DPP10: variants seen among roughly 807,000 people sequenced by gnomAD.
DPP10 encodes dipeptidyl peptidase like 10.
Under a neutral mutation model 120.9 loss-of-function variants are expected in DPP10, and 33 were observed. That is an observed-to-expected ratio of 0.27 (90% CI 0.21 to 0.37). The LOEUF is 0.37. DPP10 is among the 10% of genes least tolerant of loss of function. DPP10 has a pLI of 1.00. For missense variants in DPP10, 816 were observed against 942.8 expected, an observed-to-expected ratio of 0.87 and a Z score of 1.76; for synonymous variants, 337 against 326.1, an observed-to-expected ratio of 1.03 and a Z score of -0.36.
rs554004281 is a variant in DPP10, at chr2:115,523,978, T to A, written c.367-1920T>A. 2.0e-5 allele frequency among the ~76,000 whole-genome samples: 3 copies of A among 152,292 alleles called. No individual in the cohort carries two copies. In the East Asian group the frequency reaches 5.8e-4, roughly 29 times the overall value. On this transcript the variant is annotated intron_variant, in intron 4 of 25. Coordinates refer to ENST00000410059, the MANE Select transcript of DPP10 (RefSeq NM_020868.6). ...ATCTTCTTCTAAAATGCCTTATATG[T>A]AGATTGTACAAGATAGGTGTAAACC...
At chr2:114,670,448 C>A (rs1175107464) in intron 1 of DPP10, among the ~76,000 whole-genome samples, 1 of 151,536 alleles carries the variant, frequency 6.6e-6, no homozygotes, top group East Asian at 1.9e-4. Context: ...CCAAACACCG[C>A]ATGTTCTCAC....
At position 115,815,535 on chromosome 2, in the gene DPP10, C is replaced by G. The variant is rs2150038757; in HGVS notation, c.1896-140C>G. Reference sequence around the variant, plus strand: ...GTAGCAAGATTTTGGAGTATATGACCCTAATACATGAACAGAGCTACAGTT... The same window carrying G: ...GTAGCAAGATTTTGGAGTATATGACGCTAATACATGAACAGAGCTACAGTT... On this transcript the variant is annotated intron_variant, in intron 20 of 25. Transcript: ENST00000410059. 4 of 678,104 alleles carry G rather than the reference C, an allele frequency of 5.9e-6. No homozygotes were observed. In the South Asian group the frequency reaches 1.1e-4, roughly 19 times the overall value. 42.0% of individuals were successfully genotyped at this position (678,104 alleles called of 1,614,324 possible).
intron 1 of DPP10, among the ~76,000 whole-genome samples, chr2:115,082,876 T>G (rs1277938984): frequency 1.3e-5 from 2 of 152,228 alleles, no homozygotes; most frequent in African/African-American, 4.8e-5. Flanking sequence ...AGCTACTAAA[T>G]GTAGAAGAGG....
At chr2:115,151,048 C>G (rs1361371714) in intron 1 of DPP10, among the ~76,000 whole-genome samples, 2 of 152,098 alleles carry the variant, frequency 1.3e-5, no homozygotes, top group East Asian at 1.9e-4. Context: ...AAAACTCCCA[C>G]GAGGACAATA....
chr2:114,490,746 C>A (rs1681921806), intron 1 of DPP10, among the ~76,000 whole-genome samples: 1 of 149,382 alleles, frequency 6.7e-6, no homozygotes. Context: ...GGCAAGGTAC[C>A]TAAAAACTCT....
At chr2:115,254,829 C>T (rs944946069) in intron 1 of DPP10, among the ~76,000 whole-genome samples, 20 of 152,196 alleles carry the variant, frequency 1.3e-4, no homozygotes, top group African/African-American at 4.1e-4. Flanking sequence ...CACCCTGATG[C>T]AAGAGGTGGG....
At chr2:115,178,391 C>A (rs1430346798) in intron 1 of DPP10, among the ~76,000 whole-genome samples, 1 of 152,142 alleles carries the variant, frequency 6.6e-6, no homozygotes. Flanking sequence ...CTTCTCTGAA[C>A]CACAGTTTCC....
intron 1 of DPP10, among the ~76,000 whole-genome samples, chr2:114,850,624 T>C (rs1050268341): frequency 3.3e-5 from 5 of 151,896 alleles, no homozygotes; most frequent in Non-Finnish European, 7.4e-5. Flanking sequence ...AAGTTGGGGG[T>C]TGGTATGAAC....
intron 5 of DPP10, among the ~76,000 whole-genome samples, chr2:115,680,269 A>G (rs1358826886): frequency 1.3e-5 from 2 of 151,978 alleles, no homozygotes; most frequent in African/African-American, 4.8e-5. Flanking sequence ...ATTTAATAAG[A>G]ATAAGATGTT....
chr2:114,804,434 G>T (rs957654447), intron 1 of DPP10, among the ~76,000 whole-genome samples: 1 of 152,146 alleles, frequency 6.6e-6, no homozygotes, highest in African/African-American at 2.4e-5. Context: ...CCAACAGCTT[G>T]CACTGTGCAC....
Position 114,757,495 on chromosome 2 carries a change from T to TAAAG in DPP10, c.60+314657_60+314658insAAAG, listed in dbSNP as rs1400926467. On this transcript the variant is annotated intron_variant, in intron 1 of 25. Transcript: ENST00000410059. ...TAGTTTGCATACCAGGCTGTGCCTT[T>TAAAG]GGCAGCTGAGGGTGTTCAGGTACCA... 2.4e-3 allele frequency among the ~76,000 whole-genome samples: 372 copies of TAAAG among 152,200 alleles called. 1 individual carries two copies. Among genetic ancestry groups the TAAAG allele is most frequent in the African/African-American group, 8.5e-3 (355 of 41,538 alleles).
chr2:115,513,654 C>A lies in DPP10; in HGVS notation c.367-12244C>A, dbSNP rs191505061. ...CAATGGCATACAAACATTATTCCAA[C>A]TTCATTTCATGTTTTTCACCCCTTT... On this transcript the variant is annotated intron_variant, in intron 4 of 25. Coordinates refer to ENST00000410059, the MANE Select transcript of DPP10 (RefSeq NM_020868.6). Among the ~76,000 whole-genome samples the A allele has an allele frequency of 3.9e-5, 6 of 152,064 alleles. No homozygotes were observed. The East Asian group carries it at 1.2e-3, about 29-fold the overall frequency.
At position 114,697,909 on chromosome 2, in the gene DPP10, C is replaced by A. The variant is rs572862979; in HGVS notation, c.60+255071C>A. On this transcript the variant is annotated intron_variant, in intron 1 of 25. Coordinates refer to ENST00000410059, the MANE Select transcript of DPP10 (RefSeq NM_020868.6). Reference sequence around the variant, plus strand: ...ACACCTCTCTGAAATATCCTTCTTACAACTGTAACTTATAGATTTGGTTTG... The same window carrying A: ...ACACCTCTCTGAAATATCCTTCTTAAAACTGTAACTTATAGATTTGGTTTG... Among the ~76,000 whole-genome samples, 44 of 152,212 alleles carry A rather than the reference C, an allele frequency of 2.9e-4. 1 individual carries two copies. The highest frequency in any genetic ancestry group is 1.0e-3 in the African/African-American group (43 of 41,556).
At chr2:115,398,263 C>G (rs2067826989) in intron 3 of DPP10, among the ~76,000 whole-genome samples, 1 of 151,682 alleles carries the variant, frequency 6.6e-6, no homozygotes. Context: ...TGGAATATCT[C>G]TTTCCATAAA....
chr2:115,479,502 C>G (rs1443046245), intron 3 of DPP10, among the ~76,000 whole-genome samples: 1 of 152,018 alleles, frequency 6.6e-6, no homozygotes, highest in South Asian at 2.1e-4. Flanking sequence ...GGTTATCCAA[C>G]AATATGAATG....
At chr2:115,509,509 A>G (rs2077116155) in intron 4 of DPP10, among the ~76,000 whole-genome samples, 1 of 152,094 alleles carries the variant, frequency 6.6e-6, no homozygotes, top group Non-Finnish European at 1.5e-5. Context: ...AAGTGGGGAA[A>G]TCTATCAAAC....
At chr2:114,912,023 G>T (rs1458337831) in intron 1 of DPP10, among the ~76,000 whole-genome samples, 1 of 152,178 alleles carries the variant, frequency 6.6e-6, no homozygotes, top group Non-Finnish European at 1.5e-5. Flanking sequence ...TGGCCTTAAA[G>T]AGTAAGATTT....
At chr2:115,061,859 T>G (rs944822769) in intron 1 of DPP10, among the ~76,000 whole-genome samples, 1 of 152,128 alleles carries the variant, frequency 6.6e-6, no homozygotes, top group African/African-American at 2.4e-5. Flanking sequence ...AGATAATATG[T>G]CTTTTACATA....
intron 1 of DPP10, among the ~76,000 whole-genome samples, chr2:115,203,061 A>G (rs1371898802): frequency 6.6e-6 from 1 of 152,200 alleles, no homozygotes; most frequent in Admixed American, 6.5e-5. Context: ...TCAAGTTTAG[A>G]AAACAGTCAG....
Sources: allele counts gnomAD v4.1 joint callset (sites outside exome capture counted in the v4.1 genomes callset), GRCh38; gene constraint gnomAD v4.1.1; transcripts MANE v1.5; gene names NCBI Gene and HGNC (gene_info 2026-07-23, HGNC 2026-07-21).